The following SYT1 variants were observed in gnomAD, a reference collection of about 807,000 sequenced individuals.
The protein encoded by SYT1 is synaptotagmin 1, also known as synaptotagmin-1.
Under a neutral mutation model 44.8 loss-of-function variants are expected in SYT1, and 8 were observed. The observed-to-expected ratio is 0.18, with a 90% CI of 0.10 to 0.32. The LOEUF (loss-of-function observed/expected upper bound fraction) is 0.32. Ranked by LOEUF, SYT1 falls within the 10% of genes least tolerant of loss-of-function variation. The probability of loss-of-function intolerance (pLI) is 1.00; values close to 1 mark genes in which losing one functional copy is unlikely to be tolerated. For synonymous variants in SYT1, 154 were observed against 188.8 expected (o/e 0.82, Z 1.51); for missense variants, 286 against 509.3 (o/e 0.56, Z 4.22).
intron 2 of SYT1, among the ~76,000 whole-genome samples, chr12:78,988,089 CTCAT>C (rs1430219376): frequency 6.6e-6 from 1 of 152,026 alleles, no homozygotes; most frequent in Non-Finnish European, 1.5e-5. Context: ...TGTCATCTCT[CTCAT>C]TCAGTCAGTC....
intron 1 of SYT1, among the ~76,000 whole-genome samples, chr12:78,871,230 A>G (rs2137035223): frequency 6.6e-6 from 1 of 152,182 alleles, no homozygotes; most frequent in Admixed American, 6.5e-5. Context: ...TCTGGATATT[A>G]TGAAACATCA....
intron 1 of SYT1, among the ~76,000 whole-genome samples, chr12:78,897,058 G>A (rs1356303328): frequency 1.3e-5 from 2 of 151,668 alleles, no homozygotes; most frequent in Non-Finnish European, 2.9e-5. Flanking sequence ...TCAACTGAAG[G>A]CAATATATTC....
chr12:79,063,451 T>C (rs1033380976), intron 3 of SYT1, among the ~76,000 whole-genome samples: 1 of 152,134 alleles, frequency 6.6e-6, no homozygotes, highest in East Asian at 1.9e-4. Context: ...TATTTCCTGC[T>C]CTCTCCTCCC....
chr12:79,063,998 A>G (rs983220391), intron 3 of SYT1, among the ~76,000 whole-genome samples: 9 of 152,140 alleles, frequency 5.9e-5, no homozygotes, highest in Admixed American at 6.6e-5. Context: ...CATCTTCTCT[A>G]CTGGACATGA....
chr12:79,383,154 C>G (rs895688657), intron 9 of SYT1, among the ~76,000 whole-genome samples: 2 of 152,110 alleles, frequency 1.3e-5, no homozygotes, highest in Non-Finnish European at 2.9e-5. Context: ...GTTGTGTGAA[C>G]TTCATAGAGT....
intron 2 of SYT1, among the ~76,000 whole-genome samples, chr12:79,043,906 G>A (rs948977682): frequency 1.3e-5 from 2 of 152,188 alleles, no homozygotes; most frequent in Non-Finnish European, 2.9e-5. Context: ...GGCTGGATAT[G>A]AAATTCTGGG....
intron 2 of SYT1, among the ~76,000 whole-genome samples, chr12:78,983,870 G>C (rs1321213142): frequency 1.3e-5 from 2 of 152,000 alleles, no homozygotes; most frequent in African/African-American, 4.8e-5. Flanking sequence ...TTAACTAGCT[G>C]TTAAAAGGGC....
intron 8 of SYT1, among the ~76,000 whole-genome samples, chr12:79,304,992 C>T (rs1880323334): frequency 6.6e-6 from 1 of 151,930 alleles, no homozygotes; most frequent in Non-Finnish European, 1.5e-5. Flanking sequence ...GAGTTTGAGT[C>T]TTTGGTTAGA....
intron 9 of SYT1, among the ~76,000 whole-genome samples, chr12:79,402,318 C>A (rs1194126375): frequency 6.6e-6 from 1 of 152,164 alleles, no homozygotes; most frequent in African/African-American, 2.4e-5. Flanking sequence ...GCCATGTAAA[C>A]TTGTGCAATT....
At chr12:79,252,459 G>T (rs1226056421) in intron 4 of SYT1, among the ~76,000 whole-genome samples, 1 of 152,102 alleles carries the variant, frequency 6.6e-6, no homozygotes. Flanking sequence ...GCACTTGGCA[G>T]AATTGCACTT....
At chr12:78,971,627 A>C (rs1868390989) in intron 1 of SYT1, among the ~76,000 whole-genome samples, 1 of 152,162 alleles carries the variant, frequency 6.6e-6, no homozygotes, top group Non-Finnish European at 1.5e-5. Context: ...AAAACAAACA[A>C]ATTTTATTTT....
rs1390380270 is a variant in SYT1, at chr12:79,201,996, A to G, written c.-17-15507A>G. ...CTGTAGAATGACTTCATATCAGTGAAATTATAGTATCTATAATTACTGAAT... is the reference window on the plus strand; with the variant it reads ...CTGTAGAATGACTTCATATCAGTGAGATTATAGTATCTATAATTACTGAAT... On this transcript the variant is annotated intron_variant, in intron 3 of 10. Transcript: ENST00000261205. 2.0e-5 allele frequency among the ~76,000 whole-genome samples: 3 copies of G among 152,298 alleles called. No homozygotes were observed. In the East Asian group the frequency reaches 5.8e-4, roughly 29 times the overall value.
intron 8 of SYT1, among the ~76,000 whole-genome samples, chr12:79,342,125 T>G (rs772584349): frequency 6.6e-6 from 1 of 152,178 alleles, no homozygotes; most frequent in Non-Finnish European, 1.5e-5. Context: ...GGCAGAGGAA[T>G]AAGTAGGAAA....
At chr12:79,185,462 T>C (rs1014120272) in intron 3 of SYT1, among the ~76,000 whole-genome samples, 2 of 151,996 alleles carry the variant, frequency 1.3e-5, no homozygotes, top group African/African-American at 4.8e-5. Context: ...TGTGTTAGAT[T>C]TCTCCAGAGT....
At chr12:79,229,588 T>A (rs1875738925) in intron 4 of SYT1, among the ~76,000 whole-genome samples, 1 of 109,012 alleles carries the variant, frequency 9.2e-6, no homozygotes, top group African/African-American at 3.9e-5. Flanking sequence ...GGGTTTTTTT[T>A]ATTTTTTATT....
intron 3 of SYT1, among the ~76,000 whole-genome samples, chr12:79,061,953 C>A (rs114964557): frequency 1.5e-3 from 232 of 152,226 alleles, no homozygotes; most frequent in African/African-American, 5.3e-3. Flanking sequence ...AGTAATAGAA[C>A]AAGCGAAGGA....
intron 9 of SYT1, among the ~76,000 whole-genome samples, chr12:79,401,732 C>G (rs1885076114): frequency 6.7e-6 from 1 of 150,316 alleles, no homozygotes; most frequent in Admixed American, 6.6e-5. Flanking sequence ...TGCAGCAGCA[C>G]AGTCATAGCT....
chr12:79,276,952 GA>G lies in SYT1; in HGVS notation c.167-8833del, dbSNP rs1327118497. Among the ~76,000 whole-genome samples the G allele has an allele frequency of 2.4e-4, 36 of 148,286 alleles. 1 individual carries two copies. Among genetic ancestry groups the G allele is most frequent in the South Asian group, 1.5e-3 (7 of 4,670 alleles). ...AAGGAAGGAGAAGAAGAAGAAGGAA[GA>G]AGGAGGAGGAGGAGGAGGAAGAGGA... On this transcript the variant is annotated intron_variant, in intron 4 of 10. Transcript: ENST00000261205.
Position 79,290,386 on chromosome 12 carries a change from G to A in SYT1, c.352-1622G>A, listed in dbSNP as rs373594139. Reference sequence around the variant, plus strand: ...TTGAAGCACCACTGAAGATCCCTGAGTAAGTGGGTGGATTGAACAGAGAAT... The same window carrying A: ...TTGAAGCACCACTGAAGATCCCTGAATAAGTGGGTGGATTGAACAGAGAAT... On this transcript the variant is annotated intron_variant, in intron 5 of 10. Coordinates refer to ENST00000261205, the MANE Select transcript of SYT1 (RefSeq NM_005639.3). Among the ~76,000 whole-genome samples the A allele has an allele frequency of 5.9e-5, 9 of 152,180 alleles. No homozygotes were observed. In the East Asian group the frequency reaches 7.7e-4, roughly 13 times the overall value.
Sources: allele counts gnomAD v4.1 joint callset (sites outside exome capture counted in the v4.1 genomes callset), GRCh38; gene constraint gnomAD v4.1.1; transcripts MANE v1.5; gene names NCBI Gene and HGNC (gene_info 2026-07-23, HGNC 2026-07-21).